The following MTNAP1 variants were observed in gnomAD, a reference collection of about 807,000 sequenced individuals.
MTNAP1 encodes the protein mitochondrial nucleoid associated protein 1.
chr17:73,235,413 TAAGTA>T, the MTNAP1 span: 16 of 1,336,788 alleles, frequency 1.2e-5, no homozygotes, highest in Non-Finnish European at 1.6e-5. Flanking sequence ...ATACAACACA[TAAGTA>T]AAATATTGGT....
chr17:73,244,559 C>CAAAAAAAAAAAA, the MTNAP1 span: 1 of 77,276 alleles, frequency 1.3e-5, no homozygotes. Context: ...AACTGCATCT[C>CAAAAAAAAAAAA]AAAAAAAAAA....
chr17:73,243,077 A>ATT, the MTNAP1 span: 386 of 437,556 alleles, frequency 8.8e-4, no homozygotes, highest in South Asian at 1.9e-3. Context: ...GATTCTCTGA[A>ATT]TTTTTTTTTT....
At chr17:73,245,079 A>AAAAG in the MTNAP1 span, 1 of 1,273,760 alleles carries the variant, frequency 7.9e-7, no homozygotes, top group Non-Finnish European at 1.1e-6. Context: ...TTATAAAACA[A>AAAAG]AAAGAGAATG....
At chr17:73,243,302 GCAC>G in the MTNAP1 span, 7 of 377,386 alleles carry the variant, frequency 1.9e-5, no homozygotes, top group Admixed American at 3.8e-5. Context: ...TTATAGGCAT[GCAC>G]CACCATGCCC....
the MTNAP1 span, among the ~76,000 whole-genome samples, chr17:73,238,000 C>T: frequency 1.2e-4 from 18 of 152,026 alleles, no homozygotes; most frequent in African/African-American, 3.4e-4. Context: ...AGAGATGAGG[C>T]GAGAAGGGCT....
chr17:73,237,155 G>C, the MTNAP1 span, among the ~76,000 whole-genome samples: 1 of 152,202 alleles, frequency 6.6e-6, no homozygotes, highest in Non-Finnish European at 1.5e-5. Context: ...AAAGAGGCTG[G>C]GTGTAGTGGC....
chr17:73,235,553 A>C, the MTNAP1 span: 1 of 1,614,136 alleles, frequency 6.2e-7, no homozygotes, highest in Non-Finnish European at 8.5e-7. Flanking sequence ...TTAAAATCCC[A>C]CTTGCCATAC....
chr17:73,243,096 T>TG, the MTNAP1 span: 2 of 995,258 alleles, frequency 2.0e-6, no homozygotes, highest in African/African-American at 1.7e-5. Flanking sequence ...TTTTTTTTTT[T>TG]TTTTTACAGC....
At chr17:73,241,834 C>T in the MTNAP1 span, among the ~76,000 whole-genome samples, 3 of 152,250 alleles carry the variant, frequency 2.0e-5, no homozygotes, top group Non-Finnish European at 2.9e-5. Context: ...GAGGCTGAGG[C>T]AGGAGAATCA....
the MTNAP1 span, among the ~76,000 whole-genome samples, chr17:73,235,017 A>G: frequency 6.6e-6 from 1 of 152,004 alleles, no homozygotes; most frequent in Admixed American, 6.6e-5. Context: ...GGAGTTCGAG[A>G]CCAGTCTGGG....
the MTNAP1 span, among the ~76,000 whole-genome samples, chr17:73,239,265 A>G: frequency 6.6e-6 from 1 of 150,866 alleles, no homozygotes. Context: ...AGATGCACAC[A>G]CTCCCCCCAT....
the MTNAP1 span, among the ~76,000 whole-genome samples, chr17:73,246,708 T>A: frequency 6.6e-6 from 1 of 152,200 alleles, no homozygotes; most frequent in Non-Finnish European, 1.5e-5. Flanking sequence ...CTGCAACAAA[T>A]TCTCATAGTT....
chr17:73,248,387 G>T, the MTNAP1 span: 1 of 1,013,522 alleles, frequency 9.9e-7, no homozygotes, highest in Non-Finnish European at 1.5e-6. Context: ...ATTTTAAACA[G>T]CCTTATAAGT....
the MTNAP1 span, chr17:73,245,712 G>T: frequency 1.6e-5 from 16 of 985,264 alleles, no homozygotes; most frequent in Non-Finnish European, 1.8e-5. Context: ...CTAAGGATGG[G>T]CATTCGAGTT....
the MTNAP1 span, among the ~76,000 whole-genome samples, chr17:73,246,966 G>T: frequency 2.0e-5 from 3 of 152,104 alleles, no homozygotes; most frequent in Non-Finnish European, 2.9e-5. Flanking sequence ...AAACTCTCAA[G>T]GTGAGAAGGT....
the MTNAP1 span, chr17:73,233,248 C>T: frequency 6.6e-6 from 1 of 152,290 alleles, no homozygotes; most frequent in Non-Finnish European, 1.5e-5. Flanking sequence ...TTCTGCCACA[C>T]TCGGGAACGG....
the MTNAP1 span, chr17:73,245,571 C>T: frequency 2.0e-6 from 2 of 985,334 alleles, no homozygotes; most frequent in South Asian, 4.7e-5. Context: ...ATATGAGATA[C>T]CAGACTACTA....
the MTNAP1 span, among the ~76,000 whole-genome samples, chr17:73,241,941 G>A: frequency 6.6e-6 from 1 of 152,062 alleles, no homozygotes; most frequent in African/African-American, 2.4e-5. Flanking sequence ...ACAAAAAGAT[G>A]ATGTAAGAGA....
the MTNAP1 span, chr17:73,232,729 G>A: frequency 5.8e-6 from 1 of 171,934 alleles, no homozygotes; most frequent in African/African-American, 2.4e-5. Flanking sequence ...TGAGGACGGT[G>A]CTCTGTGGGG....
Sources: allele counts gnomAD v4.1 joint callset (sites outside exome capture counted in the v4.1 genomes callset), GRCh38; gene constraint gnomAD v4.1.1; transcripts MANE v1.5; gene names NCBI Gene and HGNC (gene_info 2026-07-23, HGNC 2026-07-21).